The following EYA2 variants were observed in gnomAD, a reference collection of about 807,000 sequenced individuals.
The protein encoded by EYA2 is protein phosphatase EYA2.
In EYA2, 31 loss-of-function variants were observed where a neutral mutation model predicts 69.2. The ratio of observed to expected loss-of-function variants is 0.45; its 90% confidence interval spans 0.34 to 0.60. The LOEUF (loss-of-function observed/expected upper bound fraction) is 0.60, where lower values mean the gene tolerates loss of function less well. EYA2 is among the 20% of genes least tolerant of loss of function. The pLI is 0.02. For missense variants in EYA2, 622 were observed against 701.2 expected, an observed-to-expected ratio of 0.89 and a Z score of 1.28; for synonymous variants, 257 against 279.4, an observed-to-expected ratio of 0.92 and a Z score of 0.80.
intron 15 of EYA2, 68 bp downstream of exon 15, chr20:47,183,459 T>C: frequency 2.8e-6 from 4 of 1,410,252 alleles, no homozygotes; most frequent in Non-Finnish European, 3.9e-6. Flanking sequence ...CTTCAAGGGC[T>C]CCTTCCATGA....
chr20:47,058,756 A>G (rs6122549), intron 5 of EYA2, among the ~76,000 whole-genome samples: 11,649 of 152,196 alleles, frequency 0.077, 585 homozygotes, highest in East Asian at 0.23. Context: ...AGGAGAATCA[A>G]TTGAGCCCAG....
intron 1 of EYA2, among the ~76,000 whole-genome samples, chr20:46,899,260 C>T (rs996491426): frequency 3.3e-5 from 5 of 152,170 alleles, no homozygotes; most frequent in African/African-American, 7.2e-5. Context: ...GAGGAAGATG[C>T]TGAATTTGGA....
At chr20:47,125,135 G>T (rs1224199739) in intron 9 of EYA2, among the ~76,000 whole-genome samples, 2 of 144,968 alleles carry the variant, frequency 1.4e-5, no homozygotes, top group East Asian at 4.3e-4. Context: ...CTCACTGCAA[G>T]CTCCACCTCC....
chr20:47,111,377 G>A (rs1293392534), intron 9 of EYA2, among the ~76,000 whole-genome samples: 1 of 152,210 alleles, frequency 6.6e-6, no homozygotes, highest in Non-Finnish European at 1.5e-5. Context: ...CAGCCCATGA[G>A]ATTTTGAGTT....
intron 6 of EYA2, among the ~76,000 whole-genome samples, chr20:47,073,800 C>T (rs1383193581): frequency 2.6e-5 from 4 of 152,054 alleles, no homozygotes; most frequent in South Asian, 4.1e-4. Context: ...GATGTATAAA[C>T]CCCTCCACTC....
chr20:46,973,100 T>C (rs563959267), intron 1 of EYA2, among the ~76,000 whole-genome samples: 10 of 152,312 alleles, frequency 6.6e-5, no homozygotes, highest in Admixed American at 5.9e-4. Flanking sequence ...GGGACACACC[T>C]GGGACTCCTG....
chr20:46,940,556 A>T (rs1000579213), intron 1 of EYA2, among the ~76,000 whole-genome samples: 1 of 152,228 alleles, frequency 6.6e-6, no homozygotes, highest in African/African-American at 2.4e-5. Context: ...CACAGATACA[A>T]AACCCAAATG....
chr20:46,988,756 C>A (rs1384551229), intron 1 of EYA2, among the ~76,000 whole-genome samples: 1 of 152,174 alleles, frequency 6.6e-6, no homozygotes, highest in Non-Finnish European at 1.5e-5. Context: ...GGCTGGAAGG[C>A]AGTGGCACGA....
chr20:46,968,768 A>G (rs1979946100), intron 1 of EYA2, among the ~76,000 whole-genome samples: 1 of 152,082 alleles, frequency 6.6e-6, no homozygotes, highest in African/African-American at 2.4e-5. Flanking sequence ...CTGGGCAGCA[A>G]AATCCCACCC....
intron 7 of EYA2, among the ~76,000 whole-genome samples, chr20:47,083,147 A>T (rs543026600): frequency 6.6e-6 from 1 of 152,208 alleles, no homozygotes; most frequent in Non-Finnish European, 1.5e-5. Context: ...CTATGATCAT[A>T]CCACTGTACT....
intron 5 of EYA2, among the ~76,000 whole-genome samples, chr20:47,034,991 C>T (rs1183647704): frequency 2.0e-5 from 3 of 152,190 alleles, no homozygotes; most frequent in Non-Finnish European, 4.4e-5. Flanking sequence ...CCATTATGAC[C>T]TCATCTTAAT....
chr20:47,115,621 C>T (rs1049516549), intron 9 of EYA2, among the ~76,000 whole-genome samples: 4 of 152,126 alleles, frequency 2.6e-5, no homozygotes, highest in Admixed American at 2.6e-4. Flanking sequence ...CCCACCACCT[C>T]CTTCATTTCA....
chr20:46,944,196 C>T (rs1237162857), intron 1 of EYA2, among the ~76,000 whole-genome samples: 5 of 152,262 alleles, frequency 3.3e-5, no homozygotes, highest in Non-Finnish European at 7.4e-5. Context: ...ATGTCATGGT[C>T]CTGTTTTGGC....
At chr20:47,036,690 C>T (rs553903757) in intron 5 of EYA2, among the ~76,000 whole-genome samples, 3 of 152,292 alleles carry the variant, frequency 2.0e-5, no homozygotes, top group South Asian at 4.1e-4. Context: ...TCCAGGCAGC[C>T]GGAATCCAAA....
chr20:47,150,748 T>A (rs1469555548), intron 10 of EYA2, among the ~76,000 whole-genome samples: 1 of 152,016 alleles, frequency 6.6e-6, no homozygotes, highest in Non-Finnish European at 1.5e-5. Flanking sequence ...ATTACAGGCA[T>A]GAGCCACCTA....
chr20:47,137,190 T>C (rs1376372775), intron 9 of EYA2, among the ~76,000 whole-genome samples: 2 of 152,182 alleles, frequency 1.3e-5, no homozygotes, highest in African/African-American at 4.8e-5. Flanking sequence ...AATTAACCAC[T>C]GTTGTTTTTT....
At chr20:47,138,895 A>C (rs2033535070) in intron 9 of EYA2, among the ~76,000 whole-genome samples, 2 of 152,214 alleles carry the variant, frequency 1.3e-5, no homozygotes, top group Admixed American at 6.5e-5. Flanking sequence ...TAAATATGTA[A>C]GTGCACATGG....
chr20:47,083,155 A>ATG (rs2031780218), intron 7 of EYA2, among the ~76,000 whole-genome samples: 2 of 151,942 alleles, frequency 1.3e-5, no homozygotes, highest in Non-Finnish European at 2.9e-5. Flanking sequence ...ATACCACTGT[A>ATG]CTCCAGCCTG....
chr20:47,000,860 A>ACCTG (rs1172683893), intron 2 of EYA2, among the ~76,000 whole-genome samples: 1 of 152,114 alleles, frequency 6.6e-6, no homozygotes, highest in East Asian at 1.9e-4. Context: ...GGCCAGCTGC[A>ACCTG]CCTGCACTCC....
Sources: allele counts gnomAD v4.1 joint callset (sites outside exome capture counted in the v4.1 genomes callset), GRCh38; gene constraint gnomAD v4.1.1; transcripts MANE v1.5; gene names NCBI Gene and HGNC (gene_info 2026-07-23, HGNC 2026-07-21).